CFAP44: variants seen among roughly 807,000 people sequenced by gnomAD.
The protein encoded by CFAP44 is cilia- and flagella-associated protein 44.
A neutral mutation model predicts 216.2 loss-of-function variants in CFAP44; 134 were observed. The ratio of observed to expected loss-of-function variants is 0.62; its 90% CI spans 0.54 to 0.72. The LOEUF (loss-of-function observed/expected upper bound fraction) is 0.72, where lower values mean the gene tolerates loss of function less well. CFAP44 is among the 30% of genes least tolerant of loss of function. The pLI is 0.00. For missense variants in CFAP44, 2,035 were observed against 2,182.1 expected (o/e 0.93, Z 1.34); for synonymous variants, 700 against 727.6 (o/e 0.96, Z 0.61).
Position 113,341,753 on chromosome 3 carries a change from C to T in CFAP44, c.3428G>A (p.Trp1143Ter), listed in dbSNP as rs774261291. The change falls in exon 24 of 35, where the codon TGG (tryptophan) becomes TAG (stop). Residue 1143 changes from tryptophan (W) to a stop codon, truncating the protein, a stop_gained. Coordinates refer to ENST00000393845, the MANE Select transcript of CFAP44 (RefSeq NM_001164496.2). LOFTEE classifies it high-confidence loss of function. The stretch of plus-strand genomic sequence containing the variant: ...GTAAAAAAAAACTCACAGTTCCTCC[C>T]ATTCTTTTTTTCGCTGTTGAATCTT... Reference protein sequence around the residue: ...QLKIQQRKKEWEELYKSKPGD... With the variant: ...QLKIQQRKKE The T allele has an allele frequency of 6.8e-7, 1 of 1,480,910 alleles. No individual in the cohort carries two copies. Among genetic ancestry groups the T allele is most frequent in the South Asian group, 1.4e-5 (1 of 71,694 alleles). 91.7% of individuals were successfully genotyped at this position (1,480,910 alleles called of 1,614,324 possible). A position where few individuals can be genotyped will look rare whatever the true frequency, so the allele number is the denominator to read the frequency against.
At chr3:113,355,193 C>T (rs1226718790) in intron 22 of CFAP44, among the ~76,000 whole-genome samples, 1 of 152,016 alleles carries the variant, frequency 6.6e-6, no homozygotes, top group Non-Finnish European at 1.5e-5. Flanking sequence ...TAACCAAACA[C>T]TACCTGTTCC....
chr3:113,370,146 G>A (rs1255155836), intron 18 of CFAP44, among the ~76,000 whole-genome samples: 1 of 152,168 alleles, frequency 6.6e-6, no homozygotes, highest in Non-Finnish European at 1.5e-5. Context: ...AATTCTATCA[G>A]AGGTACAAAG....
At chr3:113,309,467 T>C (rs1424495308) in intron 28 of CFAP44, among the ~76,000 whole-genome samples, 1 of 152,200 alleles carries the variant, frequency 6.6e-6, no homozygotes, top group Non-Finnish European at 1.5e-5. Context: ...GAATAAAGTC[T>C]GCCTTATTGT....
At chr3:113,383,910 C>G (rs1324439201) in intron 15 of CFAP44, among the ~76,000 whole-genome samples, 1 of 152,090 alleles carries the variant, frequency 6.6e-6, no homozygotes, top group Non-Finnish European at 1.5e-5. Context: ...AGCCCCCAAC[C>G]CCCTGCCAGG....
intron 28 of CFAP44, among the ~76,000 whole-genome samples, chr3:113,310,291 A>C (rs1950025793): frequency 6.6e-6 from 1 of 152,232 alleles, no homozygotes; most frequent in Non-Finnish European, 1.5e-5. Flanking sequence ...TTAATAGAGA[A>C]TCAGGACTTT....
intron 31 of CFAP44, among the ~76,000 whole-genome samples, chr3:113,304,486 T>G (rs1410389200): frequency 6.6e-6 from 1 of 152,246 alleles, no homozygotes; most frequent in Non-Finnish European, 1.5e-5. Context: ...GTTGTTTTCC[T>G]AAAATACAGC....
At position 113,294,779 on chromosome 3, in the gene CFAP44, T is replaced by TTGC; in HGVS notation, c.5280_5281insGCA (p.Thr1760_Lys1761insAla). 6.5e-7 allele frequency: 1 copy of TTGC among 1,536,246 alleles called. No homozygotes were observed. On this transcript the variant is annotated inframe_insertion, in exon 34 of 35. Transcript: ENST00000393845. The stretch of plus-strand genomic sequence containing the variant: ...TGATAAAGCTTTCTGGTGTGTTCTT[T>TTGC]TGTCTTCATCATCAGTTCCCATCGC...
intron 11 of CFAP44, 149 bp downstream of exon 11, chr3:113,401,091 G>C: frequency 1.5e-6 from 1 of 655,906 alleles, no homozygotes; most frequent in South Asian, 2.3e-5. Flanking sequence ...CATAACGAGA[G>C]AGAGAATTCT....
At chr3:113,429,160 C>T (rs1935038291) in intron 2 of CFAP44, 1 of 152,048 alleles carries the variant, frequency 6.6e-6, no homozygotes, top group Non-Finnish European at 1.5e-5. Context: ...CAACAATATA[C>T]AAATATTAAT....
At chr3:113,371,063 G>A (rs1162279109) in intron 18 of CFAP44, among the ~76,000 whole-genome samples, 1 of 152,134 alleles carries the variant, frequency 6.6e-6, no homozygotes, top group East Asian at 1.9e-4. Flanking sequence ...ACAAACCACT[G>A]CTCAATGAAA....
chr3:113,427,015 A>T, intron 3 of CFAP44, 172 bp downstream of exon 3: 1 of 637,900 alleles, frequency 1.6e-6, no homozygotes, highest in Non-Finnish European at 2.6e-6. Context: ...TAAAAACCAC[A>T]AGTCTAGGGC....
intron 18 of CFAP44, among the ~76,000 whole-genome samples, chr3:113,371,523 C>T (rs1183473674): frequency 6.6e-6 from 1 of 152,076 alleles, no homozygotes; most frequent in East Asian, 1.9e-4. Context: ...AACTGGCTAG[C>T]CATATGTAGA....
chr3:113,411,986 T>G (rs920816088), intron 6 of CFAP44, among the ~76,000 whole-genome samples: 30 of 152,036 alleles, frequency 2.0e-4, no homozygotes, highest in African/African-American at 7.0e-4. Context: ...GCACACTGAT[T>G]TTGTATCCTG....
intron 15 of CFAP44, among the ~76,000 whole-genome samples, chr3:113,391,074 A>C (rs891420713): frequency 1.3e-5 from 2 of 152,186 alleles, no homozygotes; most frequent in African/African-American, 4.8e-5. Flanking sequence ...GAGAAATCAC[A>C]TTAGCTGACT....
At chr3:113,408,998 C>T in intron 7 of CFAP44, 108 bp downstream of exon 7, 4 of 675,908 alleles carry the variant, frequency 5.9e-6, no homozygotes, top group South Asian at 2.5e-5. Context: ...TAATGTTAAC[C>T]AAAACAGCAA....
At chr3:113,294,157 G>T in intron 34 of CFAP44, 1 of 425,610 alleles carries the variant, frequency 2.3e-6, no homozygotes, top group South Asian at 1.7e-5. Context: ...GGTTTGTAGA[G>T]GGCAAGACTT....
chr3:113,345,163 GATAT>G (rs1282884769), intron 22 of CFAP44, among the ~76,000 whole-genome samples: 6 of 148,710 alleles, frequency 4.0e-5, no homozygotes, highest in Admixed American at 2.0e-4. Context: ...TATTATAATA[GATAT>G]ATAGTTTGTG....
rs534889915 is a variant in CFAP44 at position 113,403,420 on chromosome 3, C to T, written c.1170+432G>A. ...TAAGGAGCAAGAAGAATGTAGCATC[C>T]ATAGGCAAACTCCATCAGTTCACCT... On this transcript the variant is annotated intron_variant, in intron 9 of 34. Transcript: ENST00000393845. 3.8e-4 allele frequency among the ~76,000 whole-genome samples: 58 copies of T among 152,286 alleles called. 1 individual carries two copies. Among genetic ancestry groups the T allele is most frequent in the Admixed American group, 3.4e-3 (52 of 15,304 alleles).
In CFAP44 at chr3:113,399,635, T is replaced by C. The variant is rs370519839; in HGVS notation, c.1569+271A>G. ...AAATCAGAGTCAGATGGATCGAGGC[T>C]AGATACACAAAGTTCTGTTGGGAAA... On this transcript the variant is annotated intron_variant, in intron 13 of 34. Transcript: ENST00000393845. 1.1e-3 allele frequency among the ~76,000 whole-genome samples: 173 copies of C among 152,268 alleles called. 1 individual carries two copies. The highest frequency in any genetic ancestry group is 3.9e-3 in the African/African-American group (163 of 41,544).
Sources: gnomAD v4.1 joint callset for allele counts (sites outside exome capture counted in the v4.1 genomes callset) on GRCh38, gnomAD v4.1.1 for gene constraint, MANE v1.5 for transcripts, NCBI Gene and HGNC (gene_info 2026-07-23, HGNC 2026-07-21) for gene names.